CSMD1: variants seen among roughly 807,000 people sequenced by gnomAD.
CSMD1 encodes CUB and sushi domain-containing protein 1.
A neutral mutation model predicts 417.5 loss-of-function variants in CSMD1; 213 were observed. The observed-to-expected ratio is 0.51, with a 90% CI of 0.46 to 0.57. The LOEUF is 0.57. Ranked by LOEUF, CSMD1 falls within the 20% of genes least tolerant of loss-of-function variation. CSMD1 has a pLI of 0.00. For missense variants in CSMD1, 6,923 were observed against 4,529.7 expected, an observed-to-expected ratio of 1.53 and a Z score of -15.17; for synonymous variants, 2,862 against 1,736.8, an observed-to-expected ratio of 1.65 and a Z score of -16.11.
chr8:4,437,104 C>G (rs1158362692), intron 2 of CSMD1, among the ~76,000 whole-genome samples: 2 of 152,032 alleles, frequency 1.3e-5, no homozygotes, highest in African/African-American at 4.8e-5. Context: ...AAAATGAATC[C>G]TACAGTTGCT....
At chr8:4,737,206 G>A (rs1016379507) in intron 1 of CSMD1, among the ~76,000 whole-genome samples, 35 of 152,064 alleles carry the variant, frequency 2.3e-4, no homozygotes, top group Non-Finnish European at 4.7e-4. Context: ...GGAACTGGAG[G>A]CCATTATCTT....
intron 1 of CSMD1, among the ~76,000 whole-genome samples, chr8:4,728,910 T>A (rs886757783): frequency 1.3e-5 from 2 of 152,196 alleles, no homozygotes; most frequent in Non-Finnish European, 1.5e-5. Context: ...AATTTGTCTT[T>A]GAGCATTACA....
At chr8:4,340,876 A>T (rs1346247577) in intron 3 of CSMD1, among the ~76,000 whole-genome samples, 2 of 152,064 alleles carry the variant, frequency 1.3e-5, no homozygotes, top group Non-Finnish European at 2.9e-5. Context: ...GATATTAACT[A>T]TTAATGAATA....
chr8:4,414,607 A>T (rs928536660), intron 3 of CSMD1, among the ~76,000 whole-genome samples: 1 of 151,716 alleles, frequency 6.6e-6, no homozygotes, highest in Non-Finnish European at 1.5e-5. Flanking sequence ...GATTTTTTTT[A>T]AACTTCTGCA....
At chr8:2,971,291 T>TA (rs1804434351) in intron 57 of CSMD1, among the ~76,000 whole-genome samples, 1 of 152,148 alleles carries the variant, frequency 6.6e-6, no homozygotes, top group Non-Finnish European at 1.5e-5. Context: ...ACGCCTCTCA[T>TA]AACTCTCTTT....
chr8:4,462,823 A>G (rs1799918120), intron 2 of CSMD1, among the ~76,000 whole-genome samples: 1 of 152,046 alleles, frequency 6.6e-6, no homozygotes, highest in African/African-American at 2.4e-5. Context: ...AAAAATTGAT[A>G]AATCATAGAC....
At chr8:4,864,380 T>G (rs1802306771) in intron 1 of CSMD1, among the ~76,000 whole-genome samples, 1 of 151,872 alleles carries the variant, frequency 6.6e-6, no homozygotes, top group Non-Finnish European at 1.5e-5. Context: ...AAAAATGTAT[T>G]TGTCTTTCAA....
chr8:4,445,760 G>C (rs1798749603), intron 2 of CSMD1, among the ~76,000 whole-genome samples: 1 of 143,432 alleles, frequency 7.0e-6, no homozygotes, highest in Non-Finnish European at 1.6e-5. Context: ...ACGGTCCTGA[G>C]AATCTACACT....
intron 3 of CSMD1, among the ~76,000 whole-genome samples, chr8:4,265,195 T>C (rs898822184): frequency 6.6e-6 from 1 of 152,132 alleles, no homozygotes; most frequent in Admixed American, 6.6e-5. Context: ...AGTAGCAAAG[T>C]GTAACAGTAT....
At chr8:3,140,548 C>T (rs531177245) in intron 41 of CSMD1, among the ~76,000 whole-genome samples, 94 of 152,054 alleles carry the variant, frequency 6.2e-4, no homozygotes, top group Non-Finnish European at 1.2e-3. Context: ...ACCTAGATTT[C>T]CAGTTTAACA....
chr8:4,354,865 A>T (rs892457803), intron 3 of CSMD1, among the ~76,000 whole-genome samples: 2 of 129,426 alleles, frequency 1.5e-5, no homozygotes, highest in Non-Finnish European at 3.3e-5. Flanking sequence ...AGGAAAATGT[A>T]GTGTGTGTGT....
In CSMD1 at chr8:4,619,064, G is replaced by A. The variant is rs190802524; in HGVS notation, c.302+18278C>T. Among the ~76,000 whole-genome samples the A allele has an allele frequency of 2.2e-3, 337 of 151,968 alleles. 3 individuals carry two copies. Among genetic ancestry groups the A allele is most frequent in the Non-Finnish European group, 3.8e-3 (261 of 67,920 alleles). On this transcript the variant is annotated intron_variant, in intron 2 of 69. Coordinates refer to ENST00000635120, the MANE Select transcript of CSMD1 (RefSeq NM_033225.6). ...CTTCTCTGCTCAAGCATTTTTTCCCGGTACGAAAGCCAAACAAATATTAAA... is the reference window on the plus strand; with the variant it reads ...CTTCTCTGCTCAAGCATTTTTTCCCAGTACGAAAGCCAAACAAATATTAAA...
At chr8:2,987,768 C>T (rs999790979) in intron 54 of CSMD1, among the ~76,000 whole-genome samples, 102 of 152,334 alleles carry the variant, frequency 6.7e-4, no homozygotes, top group African/African-American at 2.4e-3. Context: ...CGCATAAGGG[C>T]AGCTTCGGGG....
intron 3 of CSMD1, among the ~76,000 whole-genome samples, chr8:4,057,838 A>G (rs1018350975): frequency 6.6e-6 from 1 of 152,152 alleles, no homozygotes; most frequent in Non-Finnish European, 1.5e-5. Flanking sequence ...AAGATCAGAT[A>G]GTTGTAGATA....
intron 10 of CSMD1, among the ~76,000 whole-genome samples, chr8:3,558,543 G>A (rs1028060507): frequency 2.7e-5 from 4 of 147,870 alleles, no homozygotes; most frequent in East Asian, 4.0e-4. Context: ...GATGAACGGT[G>A]TCTCAATGGT....
chr8:3,611,626 A>G (rs1460730880), intron 8 of CSMD1, among the ~76,000 whole-genome samples: 3 of 152,222 alleles, frequency 2.0e-5, no homozygotes, highest in East Asian at 3.8e-4. Flanking sequence ...CGAAAATTAG[A>G]AAATTTTCAA....
intron 4 of CSMD1, among the ~76,000 whole-genome samples, chr8:4,001,213 C>A (rs772694828): frequency 1.3e-5 from 2 of 152,106 alleles, no homozygotes; most frequent in South Asian, 2.1e-4. Flanking sequence ...AGAAGCTTAA[C>A]CGATTCTTCT....
rs560035892 is a variant in CSMD1 at position 4,144,800 on chromosome 8, T to G, written c.416-112701A>C. Among the ~76,000 whole-genome samples the G allele has an allele frequency of 4.0e-5, 6 of 150,858 alleles. No individual in the cohort carries two copies. The East Asian group carries it at 7.8e-4, about 20-fold the overall frequency. ...GGATTTACCAGGTTGTCAGTAAGAG[T>G]TGCATCACCAAAAAGCAACATTCGC... On this transcript the variant is annotated intron_variant, in intron 3 of 69. Transcript: ENST00000635120.
At chr8:4,039,417 A>C (rs370251779) in intron 3 of CSMD1, among the ~76,000 whole-genome samples, 1 of 152,360 alleles carries the variant, frequency 6.6e-6, no homozygotes, top group East Asian at 1.9e-4. Context: ...TATAATTTTC[A>C]GGATCACATT....
Sources: allele counts gnomAD v4.1 joint callset (sites outside exome capture counted in the v4.1 genomes callset), GRCh38; gene constraint gnomAD v4.1.1; transcripts MANE v1.5; gene names NCBI Gene and HGNC (gene_info 2026-07-23, HGNC 2026-07-21).